MPZL1: variants seen among roughly 807,000 people sequenced by gnomAD.
The protein encoded by MPZL1 is myelin protein zero like 1.
Under a neutral mutation model 29.3 loss-of-function variants are expected in MPZL1, and 16 were observed. The observed-to-expected ratio is 0.55, with a 90% CI of 0.37 to 0.83. The LOEUF is 0.83. Among genes scored for constraint, MPZL1 ranks in the 40% least tolerant of loss-of-function variants. The pLI is 0.00. For synonymous variants in MPZL1, 143 were observed against 132.0 expected, an observed-to-expected ratio of 1.08 and a Z score of -0.57; for missense variants, 279 against 332.9, an observed-to-expected ratio of 0.84 and a Z score of 1.26.
chr1:167,747,007 G>A (rs1373589235), intron 1 of MPZL1, among the ~76,000 whole-genome samples: 1 of 152,096 alleles, frequency 6.6e-6, no homozygotes, highest in Non-Finnish European at 1.5e-5. Context: ...TCATCAGAGA[G>A]CCACTGAGAT....
chr1:167,728,925 G>A lies in MPZL1; in HGVS notation c.91+6683G>A, dbSNP rs142604639. Among the ~76,000 whole-genome samples, 205 of 152,200 alleles carry A rather than the reference G, an allele frequency of 1.3e-3. 1 individual carries two copies. The highest frequency in any genetic ancestry group is 1.1e-3 in the Non-Finnish European group (78 of 68,002). ...GAACATTTTTTCATACTGGGACCCT[G>A]ATATTCTACTTTAGGATCTGGGGAG... On this transcript the variant is annotated intron_variant, in intron 1 of 5. Coordinates refer to ENST00000359523, the MANE Select transcript of MPZL1 (RefSeq NM_003953.6).
intron 1 of MPZL1, among the ~76,000 whole-genome samples, chr1:167,763,975 C>G (rs1661053620): frequency 6.6e-6 from 1 of 152,198 alleles, no homozygotes; most frequent in South Asian, 2.1e-4. Context: ...GGGGAGTACT[C>G]TTGTTCTCCT....
At position 167,722,258 on chromosome 1, in the gene MPZL1, A is replaced by G; in HGVS notation, c.91+16A>G. The G allele has an allele frequency of 8.1e-7, 1 of 1,237,448 alleles. No homozygotes were observed. The highest frequency in any genetic ancestry group is 1.0e-6 in the Non-Finnish European group (1 of 987,298). The allele number at this position is 1,237,448 out of a possible 1,614,324, so 76.7% of individuals were successfully genotyped here. A position where few individuals can be genotyped will look rare whatever the true frequency, so the allele number is the denominator to read the frequency against. On this transcript the variant is annotated intron_variant, in intron 1 of 5. Coordinates refer to ENST00000359523, the MANE Select transcript of MPZL1 (RefSeq NM_003953.6). Reference sequence around the variant, plus strand: ...CTTGGGCTCTGTAAGTGATGCCAGGACCAGGGCTGGGGCCGGGGAGTGGGG... The same window carrying G: ...CTTGGGCTCTGTAAGTGATGCCAGGGCCAGGGCTGGGGCCGGGGAGTGGGG...
intron 1 of MPZL1, among the ~76,000 whole-genome samples, chr1:167,755,891 G>T (rs1027266435): frequency 2.6e-5 from 4 of 152,132 alleles, no homozygotes; most frequent in African/African-American, 9.7e-5. Flanking sequence ...GAAGAAAGGA[G>T]ACCATTTGCA....
intron 1 of MPZL1, among the ~76,000 whole-genome samples, chr1:167,726,655 T>C (rs917059526): frequency 2.0e-5 from 3 of 152,238 alleles, no homozygotes; most frequent in African/African-American, 7.2e-5. Flanking sequence ...CTTGGCCTTT[T>C]ACTTATTTAC....
chr1:167,784,563 G>A (rs1417910072), intron 5 of MPZL1, among the ~76,000 whole-genome samples: 1 of 152,168 alleles, frequency 6.6e-6, no homozygotes, highest in Non-Finnish European at 1.5e-5. Flanking sequence ...TCAAAATCGA[G>A]GTGCTGAGGC....
intron 1 of MPZL1, among the ~76,000 whole-genome samples, chr1:167,754,136 T>G (rs1172883661): frequency 2.6e-5 from 4 of 152,088 alleles, no homozygotes; most frequent in Non-Finnish European, 5.9e-5. Context: ...TAGCTGAGAT[T>G]ACAGGTGTGC....
rs192926552 is a variant in MPZL1 at position 167,733,567 on chromosome 1, A to C, written c.91+11325A>C. On this transcript the variant is annotated intron_variant, in intron 1 of 5. Transcript: ENST00000359523. ...CAAGACCAGGCTGGTCAACATGGCAAAACCCCATCTCTACTAAAAATACAA... is the reference window on the plus strand; with the variant it reads ...CAAGACCAGGCTGGTCAACATGGCACAACCCCATCTCTACTAAAAATACAA... 2.2e-3 allele frequency among the ~76,000 whole-genome samples: 342 copies of C among 152,190 alleles called. 3 individuals carry two copies. The highest frequency in any genetic ancestry group is 7.9e-3 in the African/African-American group (328 of 41,516).
intron 1 of MPZL1, among the ~76,000 whole-genome samples, chr1:167,733,616 G>A (rs113662214): frequency 4.2e-4 from 64 of 152,140 alleles, no homozygotes; most frequent in African/African-American, 1.3e-3. Flanking sequence ...GTGATGATGC[G>A]TGCCTGTAAT....
intron 1 of MPZL1, among the ~76,000 whole-genome samples, chr1:167,732,726 C>T (rs978560569): frequency 2.6e-5 from 4 of 152,338 alleles, no homozygotes; most frequent in East Asian, 3.9e-4. Context: ...AAGCAATTCT[C>T]TTGCCACAGC....
chr1:167,749,414 G>A (rs771075949), intron 1 of MPZL1, among the ~76,000 whole-genome samples: 4 of 152,178 alleles, frequency 2.6e-5, no homozygotes, highest in Non-Finnish European at 5.9e-5. Flanking sequence ...AATATCCAGA[G>A]ATTATGAAAC....
chr1:167,786,351 T>G (rs1661593170), intron 5 of MPZL1, among the ~76,000 whole-genome samples: 1 of 152,206 alleles, frequency 6.6e-6, no homozygotes, highest in Admixed American at 6.5e-5. Flanking sequence ...TTAAGTACTG[T>G]CTGTGAGACA....
intron 1 of MPZL1, among the ~76,000 whole-genome samples, chr1:167,762,050 A>G (rs1356916229): frequency 6.6e-6 from 1 of 152,176 alleles, no homozygotes; most frequent in Non-Finnish European, 1.5e-5. Flanking sequence ...GCCTGAAACT[A>G]CGATTCTGGA....
chr1:167,751,347 T>C (rs1164509040), intron 1 of MPZL1, among the ~76,000 whole-genome samples: 2 of 152,198 alleles, frequency 1.3e-5, no homozygotes, highest in Non-Finnish European at 2.9e-5. Flanking sequence ...TTGACAGATA[T>C]AATCATGTAG....
chr1:167,722,370 G>C, intron 1 of MPZL1, 128 bp downstream of exon 1: 2 of 1,222,112 alleles, frequency 1.6e-6, no homozygotes, highest in South Asian at 8.5e-5. Context: ...CGCGGCCTGC[G>C]CTCTCTGGGG....
rs1661656085 is a variant in MPZL1 at position 167,789,190 on chromosome 1, C to T, written c.*1269C>T. The T allele has an allele frequency of 6.6e-6, 1 of 152,150 alleles. No homozygotes were observed. Among genetic ancestry groups the T allele is most frequent in the Non-Finnish European group, 1.5e-5 (1 of 68,034 alleles). The allele number at this position is 152,150 out of a possible 1,614,324, so 9.4% of individuals were successfully genotyped here. ...TTCTCCTATTCACTACTCCCCACCG[C>T]ACTTAAAATCTATGAGTTTTTACTT... On this transcript the variant is annotated 3_prime_UTR_variant, in exon 6 of 6. Transcript: ENST00000359523.
At chr1:167,757,076 G>T (rs1660884727) in intron 1 of MPZL1, among the ~76,000 whole-genome samples, 1 of 152,178 alleles carries the variant, frequency 6.6e-6, no homozygotes, top group Non-Finnish European at 1.5e-5. Context: ...TACTTTTGCA[G>T]CCTTCCCCTA....
At position 167,747,210 on chromosome 1, in the gene MPZL1, A is replaced by G. The variant is rs933069956; in HGVS notation, c.92-18373A>G. On this transcript the variant is annotated intron_variant, in intron 1 of 5. Coordinates refer to ENST00000359523, the MANE Select transcript of MPZL1 (RefSeq NM_003953.6). ...TAGAAGGAACTAGTCTTTTAAAAAC[A>G]TTTTCTAATTTCATTCCCTTTTATT... 2.6e-5 allele frequency among the ~76,000 whole-genome samples: 4 copies of G among 152,280 alleles called. No individual in the cohort carries two copies. In the East Asian group the frequency reaches 7.7e-4, roughly 29 times the overall value.
chr1:167,784,139 T>C (rs959329023), intron 5 of MPZL1, among the ~76,000 whole-genome samples: 1 of 152,224 alleles, frequency 6.6e-6, no homozygotes, highest in East Asian at 1.9e-4. Flanking sequence ...TCACCAGTTA[T>C]GGTTTTTTTA....
Sources: allele counts gnomAD v4.1 joint callset (sites outside exome capture counted in the v4.1 genomes callset), GRCh38; gene constraint gnomAD v4.1.1; transcripts MANE v1.5; gene names NCBI Gene and HGNC (gene_info 2026-07-23, HGNC 2026-07-21).